AGBL4: variants seen among roughly 807,000 people sequenced by gnomAD.
AGBL4 encodes AGBL carboxypeptidase 4, also known as cytosolic carboxypeptidase 6.
A neutral mutation model predicts 66.4 loss-of-function variants in AGBL4; 58 were observed. The ratio of observed to expected loss-of-function variants is 0.87; its 90% CI spans 0.71 to 1.09. The LOEUF (loss-of-function observed/expected upper bound fraction) is 1.09. AGBL4 is among the 50% of genes least tolerant of loss of function. AGBL4 has a pLI of 0.00. For missense variants in AGBL4, 579 were observed against 631.0 expected, an observed-to-expected ratio of 0.92 and a Z score of 0.88; for synonymous variants, 234 against 222.9, an observed-to-expected ratio of 1.05 and a Z score of -0.44.
intron 6 of AGBL4, 137 bp downstream of exon 6, chr1:48,867,054 A>T: frequency 1.0e-6 from 1 of 994,768 alleles, no homozygotes; most frequent in Non-Finnish European, 1.5e-6. Context: ...GGAGGAGAAG[A>T]ATCATTCATG....
intron 5 of AGBL4, among the ~76,000 whole-genome samples, chr1:48,952,347 A>G (rs1657063518): frequency 6.6e-6 from 1 of 152,236 alleles, no homozygotes; most frequent in African/African-American, 2.4e-5. Flanking sequence ...GTAGAGGAAA[A>G]TCAAAGAATG....
chr1:49,426,518 A>G (rs1360083484), intron 3 of AGBL4, among the ~76,000 whole-genome samples: 5 of 151,914 alleles, frequency 3.3e-5, no homozygotes, highest in African/African-American at 1.2e-4. Context: ...AATAATTAAT[A>G]AGAGCAATAG....
At position 49,745,230 on chromosome 1, in the gene AGBL4, G is replaced by A. The variant is rs140876853; in HGVS notation, c.158-47793C>T. ...CAAACACCCAAAAGAGACTATAATGGGTATACAGTAGTTCTCCTTTATCTG... is the reference window on the plus strand; with the variant it reads ...CAAACACCCAAAAGAGACTATAATGAGTATACAGTAGTTCTCCTTTATCTG... On this transcript the variant is annotated intron_variant, in intron 2 of 13. Coordinates refer to ENST00000371839, the MANE Select transcript of AGBL4 (RefSeq NM_032785.4). Among the ~76,000 whole-genome samples the A allele has an allele frequency of 1.0e-3, 157 of 151,874 alleles. 2 individuals are homozygous for A. In the East Asian group the frequency reaches 0.026, roughly 25 times the overall value.
At chr1:49,384,077 G>T (rs1326205981) in intron 3 of AGBL4, among the ~76,000 whole-genome samples, 1 of 151,992 alleles carries the variant, frequency 6.6e-6, no homozygotes, top group East Asian at 1.9e-4. Context: ...CTATAGGCAT[G>T]AGCCACCATG....
intron 6 of AGBL4, among the ~76,000 whole-genome samples, chr1:48,864,903 G>A (rs1188345935): frequency 2.6e-5 from 4 of 151,932 alleles, no homozygotes; most frequent in Non-Finnish European, 2.9e-5. Context: ...TTGGCATGGG[G>A]GCAATAAATG....
chr1:49,662,687 T>A (rs1646292944), intron 3 of AGBL4, among the ~76,000 whole-genome samples: 1 of 152,098 alleles, frequency 6.6e-6, no homozygotes, highest in Non-Finnish European at 1.5e-5. Context: ...TACATCAAAT[T>A]CTATATAGAT....
In AGBL4 at chr1:49,464,636, A is replaced by G. The variant is rs530817174; in HGVS notation, c.283-218772T>C. Reference sequence around the variant, plus strand: ...ACATTGTTGAGAACTTACTGGAAACACAGAGATGGAACACAATATGTCTCA... The same window carrying G: ...ACATTGTTGAGAACTTACTGGAAACGCAGAGATGGAACACAATATGTCTCA... On this transcript the variant is annotated intron_variant, in intron 3 of 13. Coordinates refer to ENST00000371839, the MANE Select transcript of AGBL4 (RefSeq NM_032785.4). 4.0e-4 allele frequency among the ~76,000 whole-genome samples: 61 copies of G among 151,908 alleles called. 2 individuals are homozygous for G. The highest frequency in any genetic ancestry group is 7.5e-4 in the Non-Finnish European group (51 of 67,852).
At position 49,357,136 on chromosome 1, in the gene AGBL4, C is replaced by T. The variant is rs139770601; in HGVS notation, c.283-111272G>A. Among the ~76,000 whole-genome samples the T allele has an allele frequency of 8.6e-4, 131 of 152,302 alleles. 2 individuals carry two copies. The East Asian group carries it at 0.023, about 26-fold the overall frequency. On this transcript the variant is annotated intron_variant, in intron 3 of 13. Transcript: ENST00000371839. ...AAAGTGACTGGGGGCAAAAGAGTTA[C>T]GGCTGGGCCAACAAAGAAGACTGGT...
intron 6 of AGBL4, among the ~76,000 whole-genome samples, chr1:48,825,403 T>C (rs1646406379): frequency 6.6e-6 from 1 of 152,170 alleles, no homozygotes; most frequent in Non-Finnish European, 1.5e-5. Context: ...CTCCTTGATA[T>C]CCCAGCATAA....
chr1:48,706,838 G>A (rs1646888527), intron 6 of AGBL4, among the ~76,000 whole-genome samples: 1 of 152,214 alleles, frequency 6.6e-6, no homozygotes, highest in Non-Finnish European at 1.5e-5. Flanking sequence ...TGGTATCCAA[G>A]CTGTCTATGC....
chr1:48,653,259 T>C (rs1439947680), intron 8 of AGBL4, 78 bp downstream of exon 8: 2 of 1,157,630 alleles, frequency 1.7e-6, no homozygotes, highest in Non-Finnish European at 2.4e-6. Flanking sequence ...CCTCAAAAAA[T>C]ATATCCCGTA....
chr1:49,319,377 T>C (rs1645092962), intron 3 of AGBL4, among the ~76,000 whole-genome samples: 1 of 152,156 alleles, frequency 6.6e-6, no homozygotes, highest in Admixed American at 6.6e-5. Flanking sequence ...AATTACAATG[T>C]CATTAACACA....
chr1:49,803,978 GA>G lies in AGBL4; in HGVS notation c.157+47417del, dbSNP rs561436872. Reference sequence around the variant, plus strand: ...AGATGTGTGGTTTAAATTCATGCTAGAAAATTGTACATTTGGACTGTTCTTT... The same window carrying G: ...AGATGTGTGGTTTAAATTCATGCTAGAAATTGTACATTTGGACTGTTCTTT... On this transcript the variant is annotated intron_variant, in intron 2 of 13. Coordinates refer to ENST00000371839, the MANE Select transcript of AGBL4 (RefSeq NM_032785.4). Among the ~76,000 whole-genome samples the G allele has an allele frequency of 7.9e-5, 12 of 152,294 alleles. No homozygotes were observed. In the East Asian group the frequency reaches 1.5e-3, roughly 20 times the overall value.
intron 3 of AGBL4, among the ~76,000 whole-genome samples, chr1:49,644,482 C>T (rs1246942664): frequency 6.6e-6 from 1 of 151,300 alleles, no homozygotes; most frequent in Non-Finnish European, 1.5e-5. Flanking sequence ...CTAACACTTA[C>T]TAAAAGAAAG....
intron 6 of AGBL4, among the ~76,000 whole-genome samples, chr1:48,716,704 T>C (rs10788892): frequency 0.93 from 141,063 of 152,222 alleles, 65,616 homozygotes; most frequent in East Asian, 1. Context: ...TTAATTCAAA[T>C]GGTCCTCAGG....
At chr1:49,524,581 G>A (rs1048373852) in intron 3 of AGBL4, among the ~76,000 whole-genome samples, 2 of 151,994 alleles carry the variant, frequency 1.3e-5, no homozygotes, top group Non-Finnish European at 2.9e-5. Context: ...TCTCTGCAGG[G>A]CCTTAAATAA....
At chr1:48,699,994 A>G (rs529266478) in intron 6 of AGBL4, among the ~76,000 whole-genome samples, 2 of 152,116 alleles carry the variant, frequency 1.3e-5, no homozygotes, top group East Asian at 3.9e-4. Context: ...GCTGGTCTCA[A>G]ACTCAAACTC....
At chr1:49,875,398 T>C (rs1429405273) in intron 1 of AGBL4, among the ~76,000 whole-genome samples, 1 of 135,952 alleles carries the variant, frequency 7.4e-6, no homozygotes, top group Non-Finnish European at 1.6e-5. Flanking sequence ...TGAGTGAGAA[T>C]ATGCGGTGTT....
intron 3 of AGBL4, among the ~76,000 whole-genome samples, chr1:49,293,275 C>T (rs1644578580): frequency 6.6e-6 from 1 of 152,182 alleles, no homozygotes; most frequent in African/African-American, 2.4e-5. Context: ...ACACTCCTTG[C>T]CACTCCACGC....
Sources: gnomAD v4.1 joint callset for allele counts (sites outside exome capture counted in the v4.1 genomes callset) on GRCh38, gnomAD v4.1.1 for gene constraint, MANE v1.5 for transcripts, NCBI Gene and HGNC (gene_info 2026-07-23, HGNC 2026-07-21) for gene names.